The following ATP10B variants were observed in gnomAD, a reference collection of about 807,000 sequenced individuals.
ATP10B encodes phospholipid-transporting ATPase VB.
Under a neutral mutation model 141.2 loss-of-function variants are expected in ATP10B, and 122 were observed. The ratio of observed to expected loss-of-function variants is 0.86; its 90% CI spans 0.75 to 1.00. ATP10B has a LOEUF of 1.00. ATP10B is among the 50% of genes least tolerant of loss of function. ATP10B has a pLI of 0.00. For synonymous variants in ATP10B, 685 were observed against 692.0 expected, an observed-to-expected ratio of 0.99 and a Z score of 0.16; for missense variants, 1,876 against 1,825.3, an observed-to-expected ratio of 1.03 and a Z score of -0.51.
At position 160,565,230 on chromosome 5, in the gene ATP10B, C is replaced by T. The variant is rs116560836; in HGVS notation, c.*223G>A. ...ACAGCCTCCTTCTCCAAACTGTTTG[C>T]AAGATGTGCTGCCTGAGAGCAGCAG... On this transcript the variant is annotated 3_prime_UTR_variant, in exon 26 of 26. Coordinates refer to ENST00000327245, the MANE Select transcript of ATP10B (RefSeq NM_025153.3). 1,869 of 567,982 alleles carry T rather than the reference C, an allele frequency of 3.3e-3. 30 individuals carry two copies. The highest frequency in any genetic ancestry group is 0.032 in the African/African-American group (1,720 of 53,432). 35.2% of individuals were successfully genotyped at this position (567,982 alleles called of 1,614,324 possible).
intron 1 of ATP10B, among the ~76,000 whole-genome samples, chr5:160,811,848 C>T (rs752930851): frequency 7.2e-5 from 11 of 152,108 alleles, no homozygotes; most frequent in Non-Finnish European, 1.3e-4. Context: ...CTTGAGCGCA[C>T]ATAGGCAGTA....
chr5:160,884,334 C>T, the ATP10B span, among the ~76,000 whole-genome samples: 1 of 152,086 alleles, frequency 6.6e-6, no homozygotes, highest in South Asian at 2.1e-4. Flanking sequence ...CCAAAATCAG[C>T]TTCAGTTAAT....
intron 2 of ATP10B, among the ~76,000 whole-genome samples, chr5:160,755,838 AATATATATATATATATAT>A (rs1181077522): frequency 1.3e-3 from 58 of 45,416 alleles, no homozygotes; most frequent in South Asian, 8.0e-3. Flanking sequence ...AAAAAAAAAA[AATATATATATATATATAT>A]ATATATATAT....
chr5:160,667,812 G>T (rs1020776216), intron 7 of ATP10B, among the ~76,000 whole-genome samples: 4 of 152,156 alleles, frequency 2.6e-5, no homozygotes, highest in Non-Finnish European at 4.4e-5. Flanking sequence ...GAAGTCACTG[G>T]TTGAACTGAA....
intron 7 of ATP10B, among the ~76,000 whole-genome samples, chr5:160,662,974 C>A (rs546241077): frequency 6.6e-6 from 1 of 152,116 alleles, no homozygotes; most frequent in Non-Finnish European, 1.5e-5. Context: ...AACAAGTGAG[C>A]GAAGGATATG....
chr5:160,568,593 T>C (rs111458723), intron 25 of ATP10B, among the ~76,000 whole-genome samples: 1 of 152,186 alleles, frequency 6.6e-6, no homozygotes, highest in Non-Finnish European at 1.5e-5. Flanking sequence ...GGCTGCGGAA[T>C]AGAACACTGG....
chr5:160,830,515 CT>C lies in ATP10B; in HGVS notation c.-576+21425del, dbSNP rs527259705. ...TTGAGCCTTAAAAACCAATGCTTTGCTTTTTCAAGTGTGCTCCCAGCTGTAG... is the reference window on the plus strand; with the variant it reads ...TTGAGCCTTAAAAACCAATGCTTTGCTTTTCAAGTGTGCTCCCAGCTGTAG... On this transcript the variant is annotated intron_variant, in intron 1 of 25. Coordinates refer to ENST00000327245, the MANE Select transcript of ATP10B (RefSeq NM_025153.3). Among the ~76,000 whole-genome samples the C allele has an allele frequency of 1.1e-4, 16 of 152,126 alleles. No individual in the cohort carries two copies. In the East Asian group the frequency reaches 1.9e-3, roughly 18 times the overall value.
intron 7 of ATP10B, 85 bp downstream of exon 7, chr5:160,670,378 C>T (rs1762599001): frequency 3.7e-6 from 5 of 1,355,906 alleles, no homozygotes; most frequent in Non-Finnish European, 4.2e-6. Flanking sequence ...CCCCTCTACC[C>T]AGTAGGTTTA....
chr5:160,727,458 G>A (rs1766439930), intron 2 of ATP10B, among the ~76,000 whole-genome samples: 1 of 152,182 alleles, frequency 6.6e-6, no homozygotes, highest in Non-Finnish European at 1.5e-5. Flanking sequence ...GGTTCAGTGT[G>A]GTAAAGAAGT....
intron 3 of ATP10B, among the ~76,000 whole-genome samples, chr5:160,702,875 T>G (rs969108743): frequency 2.6e-5 from 4 of 152,220 alleles, no homozygotes; most frequent in African/African-American, 9.6e-5. Context: ...GCTTTCAATA[T>G]TATTTATCTT....
chr5:160,885,919 T>G, the ATP10B span, among the ~76,000 whole-genome samples: 1 of 152,230 alleles, frequency 6.6e-6, no homozygotes, highest in Non-Finnish European at 1.5e-5. Context: ...CTTCCAGAAG[T>G]CAGGATCTGC....
At chr5:160,616,063 A>T in intron 16 of ATP10B, 99 bp from the exon 17 acceptor site, 1 of 1,365,560 alleles carries the variant, frequency 7.3e-7, no homozygotes, top group South Asian at 1.6e-5. Flanking sequence ...GCCTGTTTGA[A>T]CTTCCCTACA....
chr5:160,846,347 A>T (rs967228010), intron 1 of ATP10B, among the ~76,000 whole-genome samples: 3 of 152,216 alleles, frequency 2.0e-5, no homozygotes, highest in African/African-American at 7.2e-5. Context: ...CTAGTCATTC[A>T]TAACAGAACT....
chr5:160,685,194 C>T, intron 6 of ATP10B: 1 of 609,382 alleles, frequency 1.6e-6, no homozygotes, highest in Non-Finnish European at 2.9e-6. Flanking sequence ...CTTTTCTTTT[C>T]CACCTTTTCC....
chr5:160,743,723 A>G (rs1198835402), intron 2 of ATP10B, among the ~76,000 whole-genome samples: 3 of 152,206 alleles, frequency 2.0e-5, no homozygotes, highest in African/African-American at 7.2e-5. Context: ...ATCTTTGACT[A>G]TAAGGGATTA....
chr5:160,615,144 C>T (rs904650901), intron 17 of ATP10B, among the ~76,000 whole-genome samples: 4 of 152,314 alleles, frequency 2.6e-5, no homozygotes, highest in African/African-American at 9.6e-5. Context: ...ACCCTCTGCC[C>T]TCTCCAAACC....
chr5:160,616,064 C>A (rs4921308), intron 16 of ATP10B, 100 bp from the exon 17 acceptor site: 658,676 of 1,353,644 alleles, frequency 0.49, 168,026 homozygotes, highest in Non-Finnish European at 0.53. Flanking sequence ...CCTGTTTGAA[C>A]TTCCCTACAT....
intron 1 of ATP10B, among the ~76,000 whole-genome samples, chr5:160,841,173 A>G (rs1000922324): frequency 6.6e-6 from 1 of 152,230 alleles, no homozygotes; most frequent in African/African-American, 2.4e-5. Context: ...ATGTCTGAGC[A>G]TAGGACACTG....
chr5:160,669,505 T>A (rs1351207519), intron 7 of ATP10B, among the ~76,000 whole-genome samples: 1 of 151,686 alleles, frequency 6.6e-6, no homozygotes, highest in African/African-American at 2.4e-5. Flanking sequence ...TAATGATTTC[T>A]CCATGATGTC....
Sources: gnomAD v4.1 joint callset for allele counts (sites outside exome capture counted in the v4.1 genomes callset) on GRCh38, gnomAD v4.1.1 for gene constraint, MANE v1.5 for transcripts, NCBI Gene and HGNC (gene_info 2026-07-23, HGNC 2026-07-21) for gene names.